Variants in MPHOSPH9 observed in about 807,000 individuals in gnomAD.
MPHOSPH9 encodes the protein M-phase phosphoprotein 9.
Under a neutral mutation model 145.5 loss-of-function variants are expected in MPHOSPH9, and 88 were observed. That is an observed-to-expected ratio of 0.60 (90% CI 0.51 to 0.72). The LOEUF is 0.72. Among genes scored for constraint, MPHOSPH9 ranks in the 30% least tolerant of loss-of-function variants. The probability of loss-of-function intolerance (pLI) is 0.00; values close to 1 mark genes in which losing one functional copy is unlikely to be tolerated. For synonymous variants in MPHOSPH9, 435 were observed against 486.2 expected (o/e 0.89, Z 1.39); for missense variants, 1,238 against 1,386.6 (o/e 0.89, Z 1.70).
At chr12:123,173,273 G>C (rs1332476677) in intron 16 of MPHOSPH9, among the ~76,000 whole-genome samples, 1 of 152,166 alleles carries the variant, frequency 6.6e-6, no homozygotes, top group East Asian at 1.9e-4. Context: ...AGACCTTGCA[G>C]TCTTCACCTT....
At chr12:123,187,030 G>A (rs922956961) in intron 13 of MPHOSPH9, among the ~76,000 whole-genome samples, 4 of 152,008 alleles carry the variant, frequency 2.6e-5, no homozygotes, top group South Asian at 2.1e-4. Context: ...AGGCTGAGGC[G>A]GGCAGATCAC....
chr12:123,184,607 C>T (rs1280673193), intron 13 of MPHOSPH9, among the ~76,000 whole-genome samples: 1 of 151,760 alleles, frequency 6.6e-6, no homozygotes, highest in African/African-American at 2.4e-5. Flanking sequence ...ACGCCATTCT[C>T]CTGCCTCAGT....
In MPHOSPH9 at chr12:123,161,386, G is replaced by A; in HGVS notation, c.3134-3C>T. The stretch of plus-strand genomic sequence containing the variant: ...GGCTTTCTCAGAATAAGTTTTTTCT[G>A]TCAGAGAGGAGAGAAATTGCTTATA... On this transcript the variant is annotated splice_region_variant and splice_polypyrimidine_tract_variant and intron_variant, in intron 21 of 23. Coordinates refer to ENST00000606320, the MANE Select transcript of MPHOSPH9 (RefSeq NM_022782.4). The A allele has an allele frequency of 6.2e-7, 1 of 1,613,600 alleles. No individual in the cohort carries two copies. The highest frequency in any genetic ancestry group is 2.2e-5 in the East Asian group (1 of 44,860).
chr12:123,166,267 C>G (rs561325708), intron 17 of MPHOSPH9: 1 of 219,350 alleles, frequency 4.6e-6, no homozygotes, highest in Admixed American at 6.0e-5. Flanking sequence ...TCACCATGCC[C>G]GGCTAATATA....
intron 17 of MPHOSPH9, among the ~76,000 whole-genome samples, chr12:123,166,103 T>G (rs1456648840): frequency 6.6e-6 from 1 of 152,028 alleles, no homozygotes; most frequent in Non-Finnish European, 1.5e-5. Flanking sequence ...TGGGAGAGGA[T>G]CTACATCTTT....
chr12:123,170,496 G>A (rs1395406729), intron 16 of MPHOSPH9, among the ~76,000 whole-genome samples: 1 of 151,866 alleles, frequency 6.6e-6, no homozygotes, highest in Non-Finnish European at 1.5e-5. Flanking sequence ...TGCCCAGGCT[G>A]GTCTCAAACT....
intron 16 of MPHOSPH9, among the ~76,000 whole-genome samples, chr12:123,169,338 G>A (rs543506638): frequency 2.0e-5 from 3 of 151,226 alleles, no homozygotes; most frequent in Non-Finnish European, 2.9e-5. Context: ...TACTAAAAAT[G>A]CAAAATAAAA....
chr12:123,193,603 G>A (rs1231834304), intron 13 of MPHOSPH9, among the ~76,000 whole-genome samples: 3 of 152,056 alleles, frequency 2.0e-5, no homozygotes, highest in East Asian at 1.9e-4. Flanking sequence ...GCAACATGGC[G>A]AGACCCTGTT....
rs2046285097 is a variant in MPHOSPH9 at position 123,202,938 on chromosome 12, G to A, written c.1467C>T (p.Asp489=). 6.2e-7 allele frequency: 1 copy of A among 1,614,160 alleles called. No homozygotes were observed. Among genetic ancestry groups the A allele is most frequent in the Non-Finnish European group, 8.5e-7 (1 of 1,180,026 alleles). Residue 489 remains aspartate (D), a synonymous_variant, in exon 10 of 24, where the codon GAC becomes GAT. Transcript: ENST00000606320. ...TACTTGCTTGTGAAAATGAGTCTAT[G>A]TCAGAGGGACTAGACATACTAGGCT... The part of the protein sequence containing the change: ...VLEPSMSSPS[D]IDSFSQASNV...
chr12:123,222,597 T>G (rs1037504005), intron 4 of MPHOSPH9, among the ~76,000 whole-genome samples: 7 of 151,984 alleles, frequency 4.6e-5, no homozygotes, highest in African/African-American at 1.7e-4. Context: ...GAGTTTGCAG[T>G]GAGCCAAGAC....
chr12:123,219,045 G>A (rs1334261166), intron 5 of MPHOSPH9, among the ~76,000 whole-genome samples: 1 of 151,808 alleles, frequency 6.6e-6, no homozygotes, highest in Non-Finnish European at 1.5e-5. Context: ...TGGGACCACA[G>A]GTGGCCACCA....
chr12:123,198,218 A>G, intron 12 of MPHOSPH9, 29 bp downstream of exon 12: 1 of 1,513,224 alleles, frequency 6.6e-7, no homozygotes, highest in South Asian at 1.2e-5. Context: ...TTGTCTCACC[A>G]GAACACCCAC....
chr12:123,159,549 C>T lies in MPHOSPH9; in HGVS notation c.3450+1232G>A, dbSNP rs924795876. The stretch of plus-strand genomic sequence containing the variant: ...ATGGGGAAGAGCTTATCTTCATACA[C>T]GGCAGGTAGGAGTAGAAATTGTCTC... On this transcript the variant is annotated intron_variant, in intron 23 of 23. Transcript: ENST00000606320. The surrounding 1 kb of genome is among the most constrained non-coding windows in gnomAD (Gnocchi z 4.3). 3.3e-5 allele frequency: 5 copies of T among 152,124 alleles called. No individual in the cohort carries two copies. The highest frequency in any genetic ancestry group is 4.2e-4 in the South Asian group (2 of 4,818). The allele number at this position is 152,124 out of a possible 1,614,324, so 9.4% of individuals were successfully genotyped here.
chr12:123,164,889 A>AT (rs1320332291), intron 18 of MPHOSPH9, among the ~76,000 whole-genome samples: 1 of 151,994 alleles, frequency 6.6e-6, no homozygotes, highest in Admixed American at 6.6e-5. Flanking sequence ...GGCACCTGTA[A>AT]TTCTAGGTAC....
intron 13 of MPHOSPH9, among the ~76,000 whole-genome samples, chr12:123,185,782 T>C (rs922010498): frequency 1.3e-5 from 2 of 152,062 alleles, no homozygotes; most frequent in African/African-American, 4.8e-5. Flanking sequence ...GTGTGATCCT[T>C]GATTGGATTC....
chr12:123,173,463 G>A (rs2044682085), intron 16 of MPHOSPH9, among the ~76,000 whole-genome samples: 1 of 152,148 alleles, frequency 6.6e-6, no homozygotes, highest in Admixed American at 6.5e-5. Context: ...TAAGACTCTT[G>A]TTCGAATCAG....
In MPHOSPH9 at chr12:123,176,925, C is replaced by T. The variant is rs2044895975; in HGVS notation, c.2355-136G>A. 7.5e-6 allele frequency: 5 copies of T among 663,396 alleles called. No individual in the cohort carries two copies. In the Admixed American group the frequency reaches 1.2e-4, roughly 16 times the overall value. The allele number at this position is 663,396 out of a possible 1,614,324, so 41.1% of individuals were successfully genotyped here. ...GCAAGTCCATGGCCGGGAATGGTGG[C>T]TCACCCCTGTAATCCCAGCACTTTG... is the stretch of plus-strand genomic sequence containing the variant. On this transcript the variant is annotated intron_variant, in intron 15 of 23. Transcript: ENST00000606320.
At chr12:123,190,396 T>C (rs1311225577) in intron 13 of MPHOSPH9, among the ~76,000 whole-genome samples, 1 of 152,144 alleles carries the variant, frequency 6.6e-6, no homozygotes. Flanking sequence ...CTGATCCACC[T>C]GCCTTGGCCT....
intron 16 of MPHOSPH9, among the ~76,000 whole-genome samples, chr12:123,175,915 T>C (rs772000398): frequency 1.2e-4 from 18 of 151,950 alleles, no homozygotes; most frequent in Non-Finnish European, 2.2e-4. Flanking sequence ...TTTTATTTTA[T>C]AGAGATGGGC....
Sources: gnomAD v4.1 joint callset for allele counts (sites outside exome capture counted in the v4.1 genomes callset) on GRCh38, gnomAD v4.1.1 for gene constraint, Gnocchi (gnomAD v3.1) non-coding constraint, MANE v1.5 for transcripts, NCBI Gene and HGNC (gene_info 2026-07-23, HGNC 2026-07-21) for gene names.